The following KCNH7 variants were observed in gnomAD, a reference collection of about 807,000 sequenced individuals.
KCNH7 encodes potassium voltage-gated channel subfamily H member 7.
A neutral mutation model predicts 120.8 loss-of-function variants in KCNH7; 49 were observed. That is an observed-to-expected ratio of 0.41 (90% CI 0.32 to 0.51). KCNH7 has a LOEUF of 0.51. KCNH7 is among the 20% of genes least tolerant of loss of function. The pLI, the probability that KCNH7 is intolerant of heterozygous loss-of-function variation, is 0.38. For synonymous variants in KCNH7, 547 were observed against 516.1 expected, an observed-to-expected ratio of 1.06 and a Z score of -0.81; for missense variants, 1,097 against 1,446.6, an observed-to-expected ratio of 0.76 and a Z score of 3.92.
intron 2 of KCNH7, among the ~76,000 whole-genome samples, chr2:162,769,742 T>A (rs1682968061): frequency 6.6e-6 from 1 of 151,984 alleles, no homozygotes; most frequent in Admixed American, 6.6e-5. Context: ...TGTATATATA[T>A]AAATGACATG....
intron 2 of KCNH7, among the ~76,000 whole-genome samples, chr2:162,618,404 ATTAT>A (rs1243425448): frequency 2.6e-5 from 4 of 152,084 alleles, no homozygotes; most frequent in Non-Finnish European, 5.9e-5. Flanking sequence ...AAATGAGCTA[ATTAT>A]TAGAAAATCT....
intron 2 of KCNH7, among the ~76,000 whole-genome samples, chr2:162,624,817 T>A (rs1683490352): frequency 6.6e-6 from 1 of 150,576 alleles, no homozygotes; most frequent in South Asian, 2.1e-4. Flanking sequence ...AGCTGAGCAA[T>A]GATTCATATT....
chr2:162,374,715 T>G (rs1196359406), intron 14 of KCNH7, among the ~76,000 whole-genome samples: 1 of 149,400 alleles, frequency 6.7e-6, no homozygotes, highest in Non-Finnish European at 1.5e-5. Context: ...AATATCTTCT[T>G]TTTTTTTTAG....
At chr2:162,639,760 T>C (rs930261445) in intron 2 of KCNH7, among the ~76,000 whole-genome samples, 5 of 152,002 alleles carry the variant, frequency 3.3e-5, no homozygotes, top group Admixed American at 2.6e-4. Context: ...AGCATCCGGA[T>C]TGGAAAGGAT....
At chr2:162,599,942 A>C (rs1694497404) in intron 2 of KCNH7, among the ~76,000 whole-genome samples, 1 of 152,126 alleles carries the variant, frequency 6.6e-6, no homozygotes, top group Admixed American at 6.6e-5. Flanking sequence ...GAATTTGTGC[A>C]GTTGGAGGTC....
At chr2:162,634,650 C>T (rs1046119470) in intron 2 of KCNH7, among the ~76,000 whole-genome samples, 9 of 151,930 alleles carry the variant, frequency 5.9e-5, no homozygotes, top group Non-Finnish European at 1.2e-4. Flanking sequence ...AATGTCTCCG[C>T]GGTTCCAGTG....
chr2:162,378,225 G>A (rs553297430), intron 14 of KCNH7, among the ~76,000 whole-genome samples: 21 of 152,318 alleles, frequency 1.4e-4, no homozygotes, highest in African/African-American at 4.8e-4. Context: ...AGTCCTTACA[G>A]TAGCATCATG....
intron 6 of KCNH7, among the ~76,000 whole-genome samples, chr2:162,458,437 C>T (rs1296239904): frequency 3.3e-5 from 5 of 152,058 alleles, no homozygotes; most frequent in African/African-American, 1.2e-4. Context: ...AGCTCCTATG[C>T]CATATGGATT....
At chr2:162,650,993 A>C (rs760307109) in intron 2 of KCNH7, among the ~76,000 whole-genome samples, 1 of 152,182 alleles carries the variant, frequency 6.6e-6, no homozygotes, top group African/African-American at 2.4e-5. Context: ...AAAAACATGA[A>C]TAATTACTTA....
intron 6 of KCNH7, among the ~76,000 whole-genome samples, chr2:162,473,927 C>T (rs1689649643): frequency 6.6e-6 from 1 of 152,180 alleles, no homozygotes; most frequent in Admixed American, 6.5e-5. Context: ...CAGATAAAGA[C>T]AGCTTTGTAA....
chr2:162,422,127 T>A (rs978990403), intron 9 of KCNH7, among the ~76,000 whole-genome samples: 2 of 152,206 alleles, frequency 1.3e-5, no homozygotes, highest in Non-Finnish European at 2.9e-5. Context: ...GTGTGAAAAG[T>A]GTTCATTTGA....
At chr2:162,461,571 G>C (rs1180452702) in intron 6 of KCNH7, among the ~76,000 whole-genome samples, 1 of 152,108 alleles carries the variant, frequency 6.6e-6, no homozygotes, top group East Asian at 1.9e-4. Context: ...TGTGACCTTG[G>C]AGCAAGTCAA....
chr2:162,838,350 G>T, intron 1 of KCNH7, 93 bp downstream of exon 1: 1 of 989,016 alleles, frequency 1.0e-6, no homozygotes, highest in Non-Finnish European at 1.6e-6. Flanking sequence ...ACAGAGCCTG[G>T]AGTTGCCGGT....
At chr2:162,811,293 T>C (rs1247262252) in intron 2 of KCNH7, among the ~76,000 whole-genome samples, 1 of 152,146 alleles carries the variant, frequency 6.6e-6, no homozygotes, top group East Asian at 1.9e-4. Flanking sequence ...TAAAGATGAC[T>C]GGAGAAAGGA....
intron 2 of KCNH7, among the ~76,000 whole-genome samples, chr2:162,725,071 G>A (rs1687468071): frequency 6.6e-6 from 1 of 152,174 alleles, no homozygotes; most frequent in Non-Finnish European, 1.5e-5. Flanking sequence ...AGCTATAACT[G>A]TGGTTTTCTC....
At chr2:162,492,010 T>C (rs1215858002) in intron 6 of KCNH7, among the ~76,000 whole-genome samples, 7 of 152,150 alleles carry the variant, frequency 4.6e-5, no homozygotes, top group Admixed American at 3.3e-4. Context: ...AACTTTAAAC[T>C]GCTTAGCTTA....
At chr2:162,409,142 G>C (rs1465119142) in intron 9 of KCNH7, among the ~76,000 whole-genome samples, 7 of 151,676 alleles carry the variant, frequency 4.6e-5, no homozygotes. Flanking sequence ...ACATCTAAGG[G>C]CTAATTCCGT....
At position 162,537,050 on chromosome 2, in the gene KCNH7, A is replaced by C; in HGVS notation, c.338T>G (p.Ile113Ser). 3 of 1,612,510 alleles carry C rather than the reference A, an allele frequency of 1.9e-6. No homozygotes were observed. Among genetic ancestry groups the C allele is most frequent in the Non-Finnish European group, 2.5e-6 (3 of 1,178,890 alleles). The stretch of plus-strand genomic sequence containing the variant: ...CACGCCCTCTTGGTTTTTCACTGGA[A>C]TTATGTGAGTGTTACAAATAAAAGT... Reference protein sequence around the residue: ...GSTFICNTHIIPVKNQEGVAM... With the variant: ...GSTFICNTHISPVKNQEGVAM... The change falls in exon 3 of 16, where the codon ATT (isoleucine) becomes AGT (serine). Residue 113 changes from isoleucine (I) to serine (S), a missense_variant. Physicochemically the swap from Ile to Ser is moderately radical, Grantham distance 142 (BLOSUM62 -2). Coordinates refer to ENST00000332142, the MANE Select transcript of KCNH7 (RefSeq NM_033272.4).
intron 2 of KCNH7, among the ~76,000 whole-genome samples, chr2:162,727,386 C>A (rs1443659750): frequency 6.6e-6 from 1 of 151,944 alleles, no homozygotes; most frequent in Non-Finnish European, 1.5e-5. Flanking sequence ...ATAATATTGA[C>A]CCATTTGTTA....
Sources: gnomAD v4.1 joint callset for allele counts (sites outside exome capture counted in the v4.1 genomes callset) on GRCh38, gnomAD v4.1.1 for gene constraint, MANE v1.5 for transcripts, NCBI Gene and HGNC (gene_info 2026-07-23, HGNC 2026-07-21) for gene names.